PRCC: variants seen among roughly 807,000 people sequenced by gnomAD.
The protein encoded by PRCC is proline rich mitotic checkpoint control factor.
PRCC carries 10 observed loss-of-function variants against 44.0 expected under a neutral mutation model. That is an observed-to-expected ratio of 0.23 (90% CI 0.14 to 0.39). The LOEUF (loss-of-function observed/expected upper bound fraction) is 0.39. Among genes scored for constraint, PRCC ranks in the 10% least tolerant of loss-of-function variants. The pLI is 1.00. For synonymous variants in PRCC, 278 were observed against 259.5 expected, an observed-to-expected ratio of 1.07 and a Z score of -0.69; for missense variants, 573 against 624.7, an observed-to-expected ratio of 0.92 and a Z score of 0.88.
At chr1:156,773,021 C>A (rs1651689408) in intron 1 of PRCC, among the ~76,000 whole-genome samples, 1 of 152,092 alleles carries the variant, frequency 6.6e-6, no homozygotes, top group Admixed American at 6.6e-5. Context: ...AAGCAGAAAG[C>A]AATACAAATG....
At chr1:156,779,650 T>C (rs1157962228) in intron 1 of PRCC, among the ~76,000 whole-genome samples, 1 of 152,222 alleles carries the variant, frequency 6.6e-6, no homozygotes, top group African/African-American at 2.4e-5. Flanking sequence ...ATGACAGGTG[T>C]AAGCCACCGG....
At chr1:156,769,262 A>G (rs1442046419) in intron 1 of PRCC, among the ~76,000 whole-genome samples, 1 of 152,230 alleles carries the variant, frequency 6.6e-6, no homozygotes, top group Non-Finnish European at 1.5e-5. Context: ...CTTGGCCTAA[A>G]AGGCCTGTTT....
chr1:156,793,824 C>G (rs535544711), intron 4 of PRCC, among the ~76,000 whole-genome samples: 6 of 152,142 alleles, frequency 3.9e-5, no homozygotes, highest in African/African-American at 1.4e-4. Flanking sequence ...GATGGGGTCT[C>G]ACTTTATTGC....
At chr1:156,800,308 A>G (rs554387856) in intron 6 of PRCC, 66 bp from the exon 7 acceptor site, 141 of 1,453,828 alleles carry the variant, frequency 9.7e-5, no homozygotes, top group Non-Finnish European at 1.3e-4. Context: ...AAGCTCACAG[A>G]GGCAAGAGGA....
intron 6 of PRCC, 44 bp downstream of exon 6, chr1:156,797,385 A>C (rs1652691901): frequency 1.9e-6 from 3 of 1,609,946 alleles, no homozygotes; most frequent in Middle Eastern, 1.7e-4. Context: ...GATCTCTGTA[A>C]ATCTGGGAAT....
At chr1:156,792,322 A>G (rs910283876) in intron 4 of PRCC, among the ~76,000 whole-genome samples, 3 of 152,144 alleles carry the variant, frequency 2.0e-5, no homozygotes, top group African/African-American at 7.2e-5. Context: ...TAGAGAAAGA[A>G]AGAGGAGGAA....
At chr1:156,788,956 G>A (rs559586475) in intron 3 of PRCC, among the ~76,000 whole-genome samples, 12 of 150,734 alleles carry the variant, frequency 8.0e-5, no homozygotes, top group East Asian at 7.9e-4. Flanking sequence ...GTGAGCTACC[G>A]CGCCCTGCCT....
Position 156,794,744 on chromosome 1 carries a change from G to C in PRCC, c.1259G>C (p.Ser420Thr). ...GAGATCAAAGGTGATGACCAGCTCA[G>C]TGGGGCCCAGCAATGGATGACTAAG... ...FVEIKGDDQL[S>T]GAQQWMTKSL... The change falls in exon 5 of 7, where the codon AGT becomes ACT. Residue 420 changes from serine to threonine, a missense_variant. Coordinates refer to ENST00000271526, the MANE Select transcript of PRCC (RefSeq NM_005973.5). The C allele has an allele frequency of 1.9e-6, 3 of 1,614,120 alleles. No homozygotes were observed. Among genetic ancestry groups the C allele is most frequent in the Non-Finnish European group, 2.5e-6 (3 of 1,180,008 alleles).
chr1:156,768,206 G>A lies in PRCC; in HGVS notation c.435G>A (p.Val145=), dbSNP rs559009501. ...LPKPKKRKEP[V]KIAAPELHKG... The stretch of plus-strand genomic sequence containing the variant: ...AGCCAAAGAAGAGGAAAGAGCCCGT[G>A]AAGATCGCGGCGCCGGAGTTGCATA... Residue 145 remains valine, a synonymous_variant, in exon 1 of 7, where the codon GTG becomes GTA. Coordinates refer to ENST00000271526, the MANE Select transcript of PRCC (RefSeq NM_005973.5). 1 of 1,546,212 alleles carries A rather than the reference G, an allele frequency of 6.5e-7. No individual in the cohort carries two copies. Among genetic ancestry groups the A allele is most frequent in the Non-Finnish European group, 8.7e-7 (1 of 1,147,370 alleles).
chr1:156,799,637 T>C (rs1362076616), intron 6 of PRCC, among the ~76,000 whole-genome samples: 1 of 152,188 alleles, frequency 6.6e-6, no homozygotes, highest in Non-Finnish European at 1.5e-5. Flanking sequence ...AGGGAAAGGA[T>C]TTGAGAGTAG....
At chr1:156,794,556 G>T in intron 4 of PRCC, 109 bp from the exon 5 acceptor site, 1 of 1,318,902 alleles carries the variant, frequency 7.6e-7, no homozygotes, top group Non-Finnish European at 1.1e-6. Context: ...AACTGAGGGT[G>T]CCTTGGGATT....
intron 3 of PRCC, among the ~76,000 whole-genome samples, chr1:156,788,921 C>T (rs1652376910): frequency 2.0e-5 from 3 of 151,868 alleles, no homozygotes. Context: ...CCACCTGGGC[C>T]TCCCAAAGTG....
At chr1:156,774,115 A>G (rs572279299) in intron 1 of PRCC, among the ~76,000 whole-genome samples, 1 of 127,812 alleles carries the variant, frequency 7.8e-6, no homozygotes, top group East Asian at 2.7e-4. Flanking sequence ...ATAAAGAGTT[A>G]CTGTTTAATG....
chr1:156,771,694 T>TC (rs1651643241), intron 1 of PRCC, among the ~76,000 whole-genome samples: 1 of 150,626 alleles, frequency 6.6e-6, no homozygotes, highest in Non-Finnish European at 1.5e-5. Flanking sequence ...TTTTTTTTTT[T>TC]TCTTCTTTTT....
rs1228387026 is a variant in PRCC at position 156,780,183 on chromosome 1, G to A, written c.469-2099G>A. 3.9e-5 allele frequency among the ~76,000 whole-genome samples: 6 copies of A among 152,010 alleles called. No individual in the cohort carries two copies. In the East Asian group the frequency reaches 5.8e-4, roughly 15 times the overall value. ...AGCGATTCTCCTGCCTCAGCCTCCC[G>A]AGTAGCTGGGATTACAGGCATGTGC... On this transcript the variant is annotated intron_variant, in intron 1 of 6. Transcript: ENST00000271526.
Position 156,791,684 on chromosome 1 carries a change from T to C in PRCC, c.1084-13T>C, listed in dbSNP as rs1652477426. The stretch of plus-strand genomic sequence containing the variant: ...CCTCAGTTGGTGTGTTTTTCTTTCC[T>C]GTTTGGCTGCAGGATTATTACAGTG... On this transcript the variant is annotated splice_polypyrimidine_tract_variant and intron_variant, in intron 3 of 6. Coordinates refer to ENST00000271526, the MANE Select transcript of PRCC (RefSeq NM_005973.5). 1 of 1,607,162 alleles carries C rather than the reference T, an allele frequency of 6.2e-7. No homozygotes were observed.
At chr1:156,775,295 C>T (rs1651784451) in intron 1 of PRCC, among the ~76,000 whole-genome samples, 1 of 151,366 alleles carries the variant, frequency 6.6e-6, no homozygotes, top group Non-Finnish European at 1.5e-5. Flanking sequence ...ACTATGTTAT[C>T]TGGGCTGGCC....
At chr1:156,783,592 G>A (rs1382312418) in intron 2 of PRCC, among the ~76,000 whole-genome samples, 1 of 151,682 alleles carries the variant, frequency 6.6e-6, no homozygotes, top group Non-Finnish European at 1.5e-5. Flanking sequence ...CTAAAAATAC[G>A]AAAATTAGCC....
At chr1:156,783,305 C>A (rs1390830285) in intron 2 of PRCC, among the ~76,000 whole-genome samples, 2 of 152,206 alleles carry the variant, frequency 1.3e-5, no homozygotes, top group Non-Finnish European at 2.9e-5. Context: ...GATTTCCCTG[C>A]TGTTTGCTTC....
Sources: gnomAD v4.1 joint callset for allele counts (sites outside exome capture counted in the v4.1 genomes callset) on GRCh38, gnomAD v4.1.1 for gene constraint, MANE v1.5 for transcripts, NCBI Gene and HGNC (gene_info 2026-07-23, HGNC 2026-07-21) for gene names.